Variants in SIK2 observed in about 807,000 individuals in gnomAD.
SIK2 encodes serine/threonine-protein kinase SIK2.
A neutral mutation model predicts 103.2 loss-of-function variants in SIK2; 29 were observed. The observed-to-expected ratio is 0.28, with a 90% confidence interval of 0.21 to 0.38. SIK2 has a LOEUF of 0.38. SIK2 is among the 10% of genes least tolerant of loss of function. The probability of loss-of-function intolerance (pLI) is 1.00; values close to 1 mark genes in which losing one functional copy is unlikely to be tolerated. For missense variants in SIK2, 879 were observed against 1,171.0 expected (o/e 0.75, Z 3.64); for synonymous variants, 412 against 446.1 (o/e 0.92, Z 0.96).
At chr11:111,626,101 G>A (rs1019983699) in intron 3 of SIK2, among the ~76,000 whole-genome samples, 2 of 152,192 alleles carry the variant, frequency 1.3e-5, no homozygotes, top group Admixed American at 6.5e-5. Context: ...TGGTCAATTG[G>A]AGTTCTGGAA....
At chr11:111,676,393 T>C (rs1024811588) in intron 3 of SIK2, among the ~76,000 whole-genome samples, 1 of 152,184 alleles carries the variant, frequency 6.6e-6, no homozygotes, top group Admixed American at 6.5e-5. Context: ...ATATAAGCAT[T>C]CCCATTTCTC....
chr11:111,719,156 C>A (rs1943729286), intron 9 of SIK2, among the ~76,000 whole-genome samples: 1 of 152,188 alleles, frequency 6.6e-6, no homozygotes, highest in South Asian at 2.1e-4. Flanking sequence ...CTTTGGCTGT[C>A]TGCCATTTGA....
rs563670789 is a variant in SIK2, at chr11:111,602,970, C to T, written c.135+272C>T. Among the ~76,000 whole-genome samples the T allele has an allele frequency of 1.3e-3, 200 of 152,214 alleles. 2 individuals are homozygous for T. Among genetic ancestry groups the T allele is most frequent in the African/African-American group, 4.4e-3 (182 of 41,558 alleles). ...TTTCCCCTACGCCACCCCCGGTGGCCACCCGGAATTTCGCCCAGAGCCCCC... is the reference window on the plus strand; with the variant it reads ...TTTCCCCTACGCCACCCCCGGTGGCTACCCGGAATTTCGCCCAGAGCCCCC... On this transcript the variant is annotated intron_variant, in intron 1 of 14. Transcript: ENST00000304987. The surrounding 1 kb of genome is among the most constrained non-coding windows in gnomAD (Gnocchi z 4.5).
intron 3 of SIK2, among the ~76,000 whole-genome samples, chr11:111,638,724 T>C (rs1341729772): frequency 6.6e-6 from 1 of 152,180 alleles, no homozygotes; most frequent in African/African-American, 2.4e-5. Context: ...TATGTTTTTC[T>C]TTAAATACTT....
In SIK2 at chr11:111,616,409, T is replaced by A. The variant is rs1278365198; in HGVS notation, c.252+50T>A. The A allele has an allele frequency of 3.0e-6, 3 of 987,548 alleles. No homozygotes were observed. The South Asian group carries it at 4.4e-5, about 14-fold the overall frequency. The allele number at this position is 987,548 out of a possible 1,614,324, so 61.2% of individuals were successfully genotyped here. ...CCATTCATTCCACAAGATAGTTCTC[T>A]ATTTCGTATCATGATTTTTCTTCTT... On this transcript the variant is annotated intron_variant, in intron 2 of 14. Coordinates refer to ENST00000304987, the MANE Select transcript of SIK2 (RefSeq NM_015191.3).
At position 111,725,648 on chromosome 11, in the gene SIK2, G is replaced by A. The variant is rs143801975; in HGVS notation, c.*1519G>A. ...AAGCATCTTCCTTAAAGCACAAAGA[G>A]AGGGACTAACTGATGCTGCATCTAG... On this transcript the variant is annotated 3_prime_UTR_variant, in exon 15 of 15. Coordinates refer to ENST00000304987, the MANE Select transcript of SIK2 (RefSeq NM_015191.3). 1 of 152,796 alleles carries A rather than the reference G, an allele frequency of 6.5e-6. No individual in the cohort carries two copies. The highest frequency in any genetic ancestry group is 1.9e-4 in the East Asian group (1 of 5,194). The allele number at this position is 152,796 out of a possible 1,614,324, so 9.5% of individuals were successfully genotyped here.
At chr11:111,607,540 T>C (rs772568594) in intron 1 of SIK2, among the ~76,000 whole-genome samples, 2 of 152,202 alleles carry the variant, frequency 1.3e-5, no homozygotes, top group Non-Finnish European at 2.9e-5. Context: ...AATCTTGTAC[T>C]GTGAAATATT....
intron 9 of SIK2, among the ~76,000 whole-genome samples, chr11:111,718,226 T>C (rs1475908374): frequency 6.6e-6 from 1 of 152,260 alleles, no homozygotes; most frequent in African/African-American, 2.4e-5. Context: ...TAAACCATTC[T>C]TGGCTAGTTT....
chr11:111,716,556 G>A (rs1472504220), intron 9 of SIK2, among the ~76,000 whole-genome samples: 4 of 152,078 alleles, frequency 2.6e-5, no homozygotes, highest in African/African-American at 7.2e-5. Flanking sequence ...CAGCCTGGGC[G>A]ACAGAGTGAG....
chr11:111,724,738 C>T lies in SIK2; in HGVS notation c.*609C>T, dbSNP rs1398382909. 6.5e-6 allele frequency: 1 copy of T among 153,558 alleles called. No individual in the cohort carries two copies. The highest frequency in any genetic ancestry group is 2.4e-5 in the African/African-American group (1 of 41,462). The allele number at this position is 153,558 out of a possible 1,614,324, so 9.5% of individuals were successfully genotyped here. A position where few individuals can be genotyped will look rare whatever the true frequency, so the allele number is the denominator to read the frequency against. On this transcript the variant is annotated 3_prime_UTR_variant, in exon 15 of 15. Transcript: ENST00000304987. ...TGTTTCAGGGGCCACTAAATAACAG[C>T]TGGTACTGACCCCAGAAACCGCCTT... is the stretch of plus-strand genomic sequence containing the variant.
chr11:111,730,298 CAGA>C lies in SIK2; in HGVS notation c.*6173_*6175del, dbSNP rs1390979509. On this transcript the variant is annotated 3_prime_UTR_variant, in exon 15 of 15. Transcript: ENST00000304987. The stretch of plus-strand genomic sequence containing the variant: ...CTGCTGGCTCTGTGGTGTCTGTCTG[CAGA>C]AGATTTGCTCAGTCAAGGAAATTCA... 7 of 152,312 alleles carry C rather than the reference CAGA, an allele frequency of 4.6e-5. No homozygotes were observed. The highest frequency in any genetic ancestry group is 3.9e-4 in the East Asian group (2 of 5,190). The allele number at this position is 152,312 out of a possible 1,614,324, so 9.4% of individuals were successfully genotyped here. A position where few individuals can be genotyped will look rare whatever the true frequency, so the allele number is the denominator to read the frequency against.
At chr11:111,691,155 C>T (rs964948663) in intron 4 of SIK2, among the ~76,000 whole-genome samples, 2 of 152,138 alleles carry the variant, frequency 1.3e-5, no homozygotes, top group African/African-American at 4.8e-5. Flanking sequence ...TGGGTCAAAT[C>T]AGTGTTTCTG....
chr11:111,643,770 A>T lies in SIK2; in HGVS notation c.316+23368A>T, dbSNP rs1043153904. ...AGAGGTTGCAGTGAGCCAAGATCAC[A>T]CCATTGCACTCAAGCCTGGGTGACA... On this transcript the variant is annotated intron_variant, in intron 3 of 14. Coordinates refer to ENST00000304987, the MANE Select transcript of SIK2 (RefSeq NM_015191.3). Among the ~76,000 whole-genome samples the T allele has an allele frequency of 3.3e-5, 5 of 151,156 alleles. No individual in the cohort carries two copies. In the South Asian group the frequency reaches 1.0e-3, roughly 32 times the overall value.
At chr11:111,695,074 G>A (rs938929536) in intron 4 of SIK2, among the ~76,000 whole-genome samples, 9 of 152,166 alleles carry the variant, frequency 5.9e-5, no homozygotes, top group African/African-American at 1.7e-4. Context: ...TCCACATTCA[G>A]TTTGTGCAAT....
chr11:111,651,972 G>C (rs940577424), intron 3 of SIK2, among the ~76,000 whole-genome samples: 24 of 152,142 alleles, frequency 1.6e-4, no homozygotes, highest in Non-Finnish European at 3.4e-4. Context: ...ATTAGAAGCT[G>C]TAACAAGGAG....
intron 3 of SIK2, 148 bp from the exon 4 acceptor site, chr11:111,687,853 C>T: frequency 1.4e-6 from 1 of 693,102 alleles, no homozygotes; most frequent in East Asian, 2.8e-5. Flanking sequence ...GATCTGCCCA[C>T]CTCAGCCTCC....
intron 8 of SIK2, among the ~76,000 whole-genome samples, chr11:111,710,245 C>T (rs138897732): frequency 1.3e-5 from 2 of 152,230 alleles, no homozygotes; most frequent in African/African-American, 4.8e-5. Flanking sequence ...AGTTGTTTAA[C>T]ATCAGAAGTG....
chr11:111,720,093 C>A, intron 10 of SIK2, 90 bp downstream of exon 10: 1 of 1,289,600 alleles, frequency 7.8e-7, no homozygotes, highest in Non-Finnish European at 1.1e-6. Flanking sequence ...CAGCCAACAC[C>A]TAAAATTGAG....
chr11:111,707,248 C>T (rs1039111715), intron 8 of SIK2, among the ~76,000 whole-genome samples: 1 of 152,150 alleles, frequency 6.6e-6, no homozygotes, highest in African/African-American at 2.4e-5. Flanking sequence ...AAACATTACG[C>T]AAGTGAGGGA....
Sources: gnomAD v4.1 joint callset for allele counts (sites outside exome capture counted in the v4.1 genomes callset) on GRCh38, gnomAD v4.1.1 for gene constraint, Gnocchi (gnomAD v3.1) non-coding constraint, MANE v1.5 for transcripts, NCBI Gene and HGNC (gene_info 2026-07-23, HGNC 2026-07-21) for gene names.